The following PCDHGA4 variants were observed in gnomAD, a reference collection of about 807,000 sequenced individuals.
PCDHGA4 encodes the protein protocadherin gamma-A4.
In PCDHGA4, 38 loss-of-function variants were observed where a neutral mutation model predicts 54.6. That is an observed-to-expected ratio of 0.70 (90% confidence interval 0.54 to 0.91). The LOEUF (loss-of-function observed/expected upper bound fraction) is 0.91, where lower values mean the gene tolerates loss of function less well. PCDHGA4 is among the 40% of genes least tolerant of loss of function. The pLI, the probability that PCDHGA4 is intolerant of heterozygous loss-of-function variation, is 0.00. For synonymous variants in PCDHGA4, 511 were observed against 512.9 expected, an observed-to-expected ratio of 1.00 and a Z score of 0.05; for missense variants, 1,298 against 1,220.9, an observed-to-expected ratio of 1.06 and a Z score of -0.94.
intron 1 of PCDHGA4, among the ~76,000 whole-genome samples, chr5:141,465,995 A>G (rs551920109): frequency 1.4e-3 from 208 of 151,976 alleles, no homozygotes; most frequent in African/African-American, 4.8e-3. Context: ...GGTGGCAGGC[A>G]CCTGTAGTCC....
intron 1 of PCDHGA4, chr5:141,374,257 G>A (rs1770316361): frequency 6.8e-6 from 11 of 1,614,042 alleles, no homozygotes; most frequent in Non-Finnish European, 7.6e-6. Context: ...AGCCCCAGGA[G>A]TTGGCGGAGC....
chr5:141,442,472 C>T (rs1032989256), intron 1 of PCDHGA4: 1 of 152,204 alleles, frequency 6.6e-6, no homozygotes, highest in Non-Finnish European at 1.5e-5. Context: ...GCAGAAAGCC[C>T]CTTGGGGAAG....
At position 141,374,492 on chromosome 5, in the gene PCDHGA4, G is replaced by A. The variant is rs770971184; in HGVS notation, c.2514+16871G>A. The A allele has an allele frequency of 5.3e-5, 85 of 1,611,364 alleles. No individual in the cohort carries two copies. The highest frequency in any genetic ancestry group is 6.9e-5 in the Non-Finnish European group (81 of 1,177,766). On this transcript the variant is annotated intron_variant, in intron 1 of 3. Transcript: ENST00000571252. ...CAATACACCCCGATTCTTAAAGGAA[G>A]AATTGGAAGTGAAAATTCTCGAAAA... is the stretch of plus-strand genomic sequence containing the variant.
intron 1 of PCDHGA4, chr5:141,384,267 C>T (rs1170671342): frequency 6.2e-7 from 1 of 1,613,862 alleles, no homozygotes; most frequent in East Asian, 2.2e-5. Context: ...CCCACTCATC[C>T]TACTCAGTCT....
At chr5:141,498,971 G>GGGAGGGAAGGAAGGAA (rs2099787588) in intron 2 of PCDHGA4, among the ~76,000 whole-genome samples, 1 of 110,970 alleles carries the variant, frequency 9.0e-6, no homozygotes, top group African/African-American at 3.6e-5. Flanking sequence ...GAGGGAGGGA[G>GGGAGGGAAGGAAGGAA]GGAAGGAAGG....
rs1349935659 is a variant in PCDHGA4 at position 141,507,722 on chromosome 5, A to C, written c.2662+2241A>C. 6.6e-5 allele frequency among the ~76,000 whole-genome samples: 10 copies of C among 152,354 alleles called. No homozygotes were observed. In the East Asian group the frequency reaches 1.9e-3, roughly 29 times the overall value. ...ATTTATGGCCCCAAACCCTCCAAGC[A>C]AGTCATGCAGCTCGTTCCCCTGTCA... On this transcript the variant is annotated intron_variant, in intron 3 of 3. Coordinates refer to ENST00000571252, the MANE Select transcript of PCDHGA4 (RefSeq NM_018917.4).
rs771450412 is a variant in PCDHGA4, at chr5:141,374,978, G to C, written c.2514+17357G>C. The C allele has an allele frequency of 2.2e-5, 35 of 1,613,984 alleles. No homozygotes were observed. The highest frequency in any genetic ancestry group is 2.9e-5 in the Non-Finnish European group (34 of 1,179,904). On this transcript the variant is annotated intron_variant, in intron 1 of 3. Coordinates refer to ENST00000571252, the MANE Select transcript of PCDHGA4 (RefSeq NM_018917.4). The stretch of plus-strand genomic sequence containing the variant: ...AATTTTCTGTTTGAATGTTTTGACT[G>C]GAGAAATTTCAACTTCTGCAAATCT...
In PCDHGA4 at chr5:141,431,375, G is replaced by T. The variant is rs139873616; in HGVS notation, c.2515-63432G>T. ...ACGCGCCCTGGACCGCGAAGAAAAGGCTGCTCACCACCTGGTCCTTACGGC... is the reference window on the plus strand; with the variant it reads ...ACGCGCCCTGGACCGCGAAGAAAAGTCTGCTCACCACCTGGTCCTTACGGC... On this transcript the variant is annotated intron_variant, in intron 1 of 3. Coordinates refer to ENST00000571252, the MANE Select transcript of PCDHGA4 (RefSeq NM_018917.4). This position sits in a 1 kb window ranked among gnomAD's most constrained non-coding sequence, Gnocchi z 4.8. 21 of 1,613,422 alleles carry T rather than the reference G, an allele frequency of 1.3e-5. No homozygotes were observed. The African/African-American group carries it at 2.8e-4, about 21-fold the overall frequency.
intron 1 of PCDHGA4, chr5:141,399,756 C>G: frequency 6.2e-7 from 1 of 1,613,346 alleles, no homozygotes; most frequent in Non-Finnish European, 8.5e-7. Flanking sequence ...CAAACGTGAG[C>G]CTGCGCGTGT....
chr5:141,508,919 C>T (rs1166086266), intron 3 of PCDHGA4, among the ~76,000 whole-genome samples: 1 of 151,996 alleles, frequency 6.6e-6, no homozygotes, highest in Non-Finnish European at 1.5e-5. Context: ...GATCTGGCTT[C>T]CTTTTGGAGT....
At chr5:141,407,314 T>G (rs2094914230) in intron 1 of PCDHGA4, among the ~76,000 whole-genome samples, 1 of 152,212 alleles carries the variant, frequency 6.6e-6, no homozygotes, top group Non-Finnish European at 1.5e-5. Flanking sequence ...CCTTCATACT[T>G]AGTATTTATA....
At chr5:141,430,313 G>A (rs1018901791) in intron 1 of PCDHGA4, among the ~76,000 whole-genome samples, 1 of 150,204 alleles carries the variant, frequency 6.7e-6, no homozygotes, top group South Asian at 2.1e-4. Context: ...AACATTATAA[G>A]ATTAAAATCA....
intron 1 of PCDHGA4, among the ~76,000 whole-genome samples, chr5:141,407,534 A>G (rs72790039): frequency 0.022 from 3,304 of 149,594 alleles, 53 homozygotes; most frequent in South Asian, 0.039. Context: ...CTTATTGTGC[A>G]TTGGTAACAG....
At chr5:141,465,840 A>G (rs1212861707) in intron 1 of PCDHGA4, among the ~76,000 whole-genome samples, 1 of 151,734 alleles carries the variant, frequency 6.6e-6, no homozygotes, top group Non-Finnish European at 1.5e-5. Context: ...ATTTCAACTG[A>G]GGCTGGGCCC....
At chr5:141,453,420 C>A (rs2098764964) in intron 1 of PCDHGA4, among the ~76,000 whole-genome samples, 1 of 152,054 alleles carries the variant, frequency 6.6e-6, no homozygotes, top group African/African-American at 2.4e-5. Context: ...GCATAAGCCA[C>A]CACACCTAGC....
chr5:141,376,457 C>T (rs945491393), intron 1 of PCDHGA4: 1 of 1,614,214 alleles, frequency 6.2e-7, no homozygotes, highest in Non-Finnish European at 8.5e-7. Context: ...CGAGCCTCTT[C>T]TGATAACTCA....
intron 1 of PCDHGA4, chr5:141,409,054 T>TA: frequency 6.2e-7 from 1 of 1,614,028 alleles, no homozygotes; most frequent in African/African-American, 1.3e-5. Flanking sequence ...TCCGAAGCAC[T>TA]GCCCAGAGCA....
In PCDHGA4 at chr5:141,485,697, A is replaced by G. The variant is rs76923861; in HGVS notation, c.2515-9110A>G. 48,100 of 1,614,036 alleles carry G rather than the reference A, an allele frequency of 0.03. 1,433 individuals carry two copies. Among genetic ancestry groups the G allele is most frequent in the African/African-American group, 0.15 (11,542 of 75,006 alleles). The stretch of plus-strand genomic sequence containing the variant: ...ATTAGCAGCTATAGGCTGAGCTCCA[A>G]TGAACACTTTGCACTGGATGTGAAG... On this transcript the variant is annotated intron_variant, in intron 1 of 3. Transcript: ENST00000571252. The surrounding 1 kb of genome is among the most constrained non-coding windows in gnomAD (Gnocchi z 5.7).
In PCDHGA4 at chr5:141,374,497, G is replaced by A. The variant is rs778938878; in HGVS notation, c.2514+16876G>A. On this transcript the variant is annotated intron_variant, in intron 1 of 3. Coordinates refer to ENST00000571252, the MANE Select transcript of PCDHGA4 (RefSeq NM_018917.4). ...CACCCCGATTCTTAAAGGAAGAATT[G>A]GAAGTGAAAATTCTCGAAAACGCAG... 7.4e-6 allele frequency: 12 copies of A among 1,611,444 alleles called. No homozygotes were observed. The Admixed American group carries it at 1.2e-4, about 16-fold the overall frequency.
Sources: allele counts gnomAD v4.1 joint callset (sites outside exome capture counted in the v4.1 genomes callset), GRCh38; gene constraint gnomAD v4.1.1; non-coding constraint Gnocchi (gnomAD v3.1); transcripts MANE v1.5; gene names NCBI Gene and HGNC (gene_info 2026-07-23, HGNC 2026-07-21).